INTS6: variants seen among roughly 807,000 people sequenced by gnomAD.
The protein encoded by INTS6 is integrator complex subunit 6.
In INTS6, 16 loss-of-function variants were observed where a neutral mutation model predicts 104.9. The observed-to-expected ratio is 0.15, with a 90% CI of 0.10 to 0.23. The LOEUF is 0.23. INTS6 is among the 10% of genes least tolerant of loss of function. INTS6 has a pLI of 1.00. For synonymous variants in INTS6, 324 were observed against 358.7 expected (o/e 0.90, Z 1.09); for missense variants, 584 against 1,062.8 (o/e 0.55, Z 6.26).
chr13:51,339,065 G>T, the INTS6 span, among the ~76,000 whole-genome samples: 20 of 152,136 alleles, frequency 1.3e-4, no homozygotes, highest in Non-Finnish European at 2.6e-4. Flanking sequence ...TTGACAACAT[G>T]GTCTCTTTCT....
At chr13:51,451,949 G>C in intron 2 of INTS6, 29 bp downstream of exon 2, 1 of 1,568,906 alleles carries the variant, frequency 6.4e-7, no homozygotes, top group Non-Finnish European at 8.7e-7. Flanking sequence ...GAAGGGAAGG[G>C]AGGAAAGGGG....
intron 3 of INTS6, chr13:51,449,252 T>TA (rs1268528540): frequency 6.5e-6 from 1 of 153,034 alleles, no homozygotes; most frequent in Non-Finnish European, 1.5e-5. Flanking sequence ...CCCTCTCTGT[T>TA]ATTGAATTAA....
chr13:51,389,460 A>G lies in INTS6; in HGVS notation c.614-16T>C, dbSNP rs777107677. The G allele has an allele frequency of 4.0e-5, 57 of 1,417,730 alleles. No individual in the cohort carries two copies. The highest frequency in any genetic ancestry group is 4.9e-5 in the Non-Finnish European group (52 of 1,059,984). The allele number at this position is 1,417,730 out of a possible 1,614,324, so 87.8% of individuals were successfully genotyped here. A position where few individuals can be genotyped will look rare whatever the true frequency, so the allele number is the denominator to read the frequency against. On this transcript the variant is annotated splice_polypyrimidine_tract_variant and intron_variant, in intron 5 of 17. Transcript: ENST00000311234. ...TATGAACGGCCTGAGATTAAAAAAA[A>G]GAAGAAGAAGAAGAAGAAGAATATA...
At chr13:51,376,200 A>AT (rs1397298962) in intron 12 of INTS6, 26 bp from the exon 13 acceptor site, 2 of 1,570,570 alleles carry the variant, frequency 1.3e-6, no homozygotes, top group African/African-American at 2.7e-5. Flanking sequence ...CGAGGACAAA[A>AT]TTTATTGTCA....
chr13:51,424,986 A>G (rs1022722164), intron 4 of INTS6, among the ~76,000 whole-genome samples: 3 of 152,024 alleles, frequency 2.0e-5, no homozygotes, highest in Non-Finnish European at 4.4e-5. Flanking sequence ...ACCCTAAGGC[A>G]AATATTTTTA....
rs1216794251 is a variant in INTS6, at chr13:51,403,603, A to AAGAAAAAAAAC, written c.430-8121_430-8120insGTTTTTTTTCT. 6.4e-4 allele frequency among the ~76,000 whole-genome samples: 96 copies of AAGAAAAAAAAC among 149,962 alleles called. 2 individuals are homozygous for AAGAAAAAAAAC. The highest frequency in any genetic ancestry group is 1.9e-3 in the African/African-American group (76 of 41,052). On this transcript the variant is annotated intron_variant, in intron 4 of 17. Coordinates refer to ENST00000311234, the MANE Select transcript of INTS6 (RefSeq NM_012141.3). Reference sequence around the variant, plus strand: ...TTTCAAAAAAAAAAAAGAAAAAAAAAAGAAAAAAAAAAAAAGAAAAAGATT... The same window carrying AAGAAAAAAAAC: ...TTTCAAAAAAAAAAAAGAAAAAAAAAAGAAAAAAAACAGAAAAAAAAAAAAAGAAAAAGATT...
downstream of INTS6, among the ~76,000 whole-genome samples, chr13:51,353,220 G>T (rs1387589406): frequency 1.3e-5 from 2 of 151,776 alleles, no homozygotes; most frequent in African/African-American, 2.4e-5. Context: ...TATGAAAAAT[G>T]ATATTATCCA....
the INTS6 span, among the ~76,000 whole-genome samples, chr13:51,347,956 T>C: frequency 1.4e-5 from 2 of 147,166 alleles, no homozygotes; most frequent in Non-Finnish European, 3.0e-5. Flanking sequence ...TGTGCCATCG[T>C]CCCCCCCCCC....
At chr13:51,411,082 G>A (rs548823611) in intron 4 of INTS6, among the ~76,000 whole-genome samples, 10 of 151,930 alleles carry the variant, frequency 6.6e-5, no homozygotes, top group Non-Finnish European at 8.8e-5. Context: ...GTGTGGTGGC[G>A]GGTGCCCGTA....
intron 3 of INTS6, among the ~76,000 whole-genome samples, chr13:51,435,560 C>T (rs1167494606): frequency 6.6e-6 from 1 of 151,818 alleles, no homozygotes; most frequent in Non-Finnish European, 1.5e-5. Flanking sequence ...CTATTATAAC[C>T]TATGTTATTT....
chr13:51,375,221 C>T (rs1234406770), intron 13 of INTS6, among the ~76,000 whole-genome samples: 1 of 151,804 alleles, frequency 6.6e-6, no homozygotes, highest in African/African-American at 2.4e-5. Context: ...GGCATGGTGG[C>T]ACGTGCCTGT....
chr13:51,443,896 C>A (rs1363130899), intron 3 of INTS6: 2 of 152,088 alleles, frequency 1.3e-5, no homozygotes, highest in African/African-American at 4.8e-5. Flanking sequence ...ATCCTTTTAA[C>A]TAATTTTGAC....
intron 3 of INTS6, among the ~76,000 whole-genome samples, chr13:51,432,804 A>C (rs555115929): frequency 8.5e-5 from 13 of 152,218 alleles, no homozygotes; most frequent in African/African-American, 2.7e-4. Context: ...TCAGCCATCC[A>C]CTATCTACTC....
At chr13:51,356,934 T>C (rs995636041), downstream of INTS6, among the ~76,000 whole-genome samples, 1 of 152,176 alleles carries the variant, frequency 6.6e-6, no homozygotes, top group African/African-American at 2.4e-5. Flanking sequence ...TGACAAAACA[T>C]GCCAGTCTGT....
At chr13:51,431,255 G>A (rs1056301830) in intron 3 of INTS6, among the ~76,000 whole-genome samples, 1 of 152,188 alleles carries the variant, frequency 6.6e-6, no homozygotes, top group African/African-American at 2.4e-5. Flanking sequence ...GGTAAACCTT[G>A]TATTTGAAAT....
chr13:51,431,815 T>C (rs991156022), intron 3 of INTS6, among the ~76,000 whole-genome samples: 7 of 152,160 alleles, frequency 4.6e-5, no homozygotes, highest in African/African-American at 9.6e-5. Flanking sequence ...TCTAAATGCA[T>C]AGCAGCATTA....
At chr13:51,375,509 T>TTA (rs1955904635) in intron 13 of INTS6, among the ~76,000 whole-genome samples, 1 of 152,056 alleles carries the variant, frequency 6.6e-6, no homozygotes, top group African/African-American at 2.4e-5. Flanking sequence ...GCTAACTCTT[T>TTA]TATATAAAAT....
At chr13:51,375,764 TGTGC>T (rs1555283859) in intron 13 of INTS6, among the ~76,000 whole-genome samples, 6 of 150,846 alleles carry the variant, frequency 4.0e-5, no homozygotes, top group South Asian at 2.1e-4. Context: ...TGTGTGTGTG[TGTGC>T]GCGCGCGTGC....
At chr13:51,393,472 A>G (rs1434892711) in intron 5 of INTS6, among the ~76,000 whole-genome samples, 3 of 152,144 alleles carry the variant, frequency 2.0e-5, no homozygotes, top group African/African-American at 7.2e-5. Flanking sequence ...TGTTCTTTCT[A>G]CTTTTCTGGT....
Sources: gnomAD v4.1 joint callset for allele counts (sites outside exome capture counted in the v4.1 genomes callset) on GRCh38, gnomAD v4.1.1 for gene constraint, MANE v1.5 for transcripts, NCBI Gene and HGNC (gene_info 2026-07-23, HGNC 2026-07-21) for gene names.